LRRK1: variants seen among roughly 807,000 people sequenced by gnomAD.
LRRK1 encodes the protein leucine rich repeat kinase 1.
In LRRK1, 113 loss-of-function variants were observed where a neutral mutation model predicts 209.1. The observed-to-expected ratio is 0.54, with a 90% CI of 0.46 to 0.63. LRRK1 has a LOEUF of 0.63. LRRK1 is among the 30% of genes least tolerant of loss of function. The pLI is 0.00. For synonymous variants in LRRK1, 1,144 were observed against 1,099.7 expected, an observed-to-expected ratio of 1.04 and a Z score of -0.80; for missense variants, 2,284 against 2,632.2, an observed-to-expected ratio of 0.87 and a Z score of 2.89.
chr15:100,962,824 T>TACATATATATATATATACATA (rs1555461505), intron 2 of LRRK1, among the ~76,000 whole-genome samples: 4 of 8,438 alleles, frequency 4.7e-4, no homozygotes, highest in Non-Finnish European at 8.5e-4. Context: ...TATATATATA[T>TACATATATATATATATACATA]TTTTTTTTTT....
At chr15:100,993,878 C>T (rs73486957) in intron 6 of LRRK1, among the ~76,000 whole-genome samples, 8,400 of 152,194 alleles carry the variant, frequency 0.055, 560 homozygotes, top group African/African-American at 0.16. Flanking sequence ...TACTGATATT[C>T]TACTTTCTGT....
intron 26 of LRRK1, 24 bp downstream of exon 26, chr15:101,053,444 CG>C (rs2035600571): frequency 1.3e-6 from 2 of 1,545,918 alleles, no homozygotes; most frequent in African/African-American, 2.7e-5. Flanking sequence ...CCGCCCCACC[CG>C]GCCCCGGAGA....
chr15:100,952,607 G>GCTAATCTTCTCACA (rs1455586641), intron 2 of LRRK1, among the ~76,000 whole-genome samples: 1 of 152,022 alleles, frequency 6.6e-6, no homozygotes, highest in African/African-American at 2.4e-5. Context: ...TTCTTTGTGG[G>GCTAATCTTCTCACA]GCCCTTCTCA....
At chr15:101,058,274 T>C in intron 29 of LRRK1, 133 bp downstream of exon 29, 1 of 825,162 alleles carries the variant, frequency 1.2e-6, no homozygotes, top group Non-Finnish European at 1.9e-6. Flanking sequence ...CTGGTTAGAC[T>C]GCACTCAAGA....
chr15:101,029,358 G>A (rs1273063017), intron 20 of LRRK1, 126 bp downstream of exon 20: 39 of 997,684 alleles, frequency 3.9e-5, no homozygotes, highest in East Asian at 2.9e-4. Context: ...TGCCCCCTAC[G>A]GACAGGCCAG....
intron 2 of LRRK1, among the ~76,000 whole-genome samples, chr15:100,954,258 C>T (rs564133339): frequency 5.3e-4 from 81 of 152,094 alleles, no homozygotes; most frequent in African/African-American, 1.7e-3. Flanking sequence ...TTAGACGTGC[C>T]GACAACCTTT....
At chr15:101,017,374 G>T (rs2033586742) in intron 12 of LRRK1, among the ~76,000 whole-genome samples, 1 of 152,182 alleles carries the variant, frequency 6.6e-6, no homozygotes, top group Non-Finnish European at 1.5e-5. Flanking sequence ...ACTGAAAAAG[G>T]AATATCAGTG....
rs2036975999 is a variant in LRRK1 at position 101,076,085 on chromosome 15, A to AGC, written c.*7238_*7239insCG. The AGC allele has an allele frequency of 6.6e-6, 1 of 152,198 alleles. No individual in the cohort carries two copies. 9.4% of individuals were successfully genotyped at this position (152,198 alleles called of 1,614,324 possible). A position where few individuals can be genotyped will look rare whatever the true frequency, so the allele number is the denominator to read the frequency against. ...ACTCCTTTCCTTCCTAGGCATGGTT[A>AGC]GTGCAGTCAGAATTCTTACACAAGA... On this transcript the variant is annotated 3_prime_UTR_variant, in exon 34 of 34. Coordinates refer to ENST00000388948, the MANE Select transcript of LRRK1 (RefSeq NM_024652.6).
Position 101,024,707 on chromosome 15 carries a change from G to A in LRRK1, c.2068-96G>A, listed in dbSNP as rs1232859582. ...TCCACGGTTGTTTTTTCAGACCCCC[G>A]AGTCCAGCCTCCAGAGTTATCCGTT... is the stretch of plus-strand genomic sequence containing the variant. On this transcript the variant is annotated intron_variant, in intron 15 of 33. Coordinates refer to ENST00000388948, the MANE Select transcript of LRRK1 (RefSeq NM_024652.6). This position sits in a 1 kb window ranked among gnomAD's most constrained non-coding sequence, Gnocchi z 4.6. 6 of 1,325,870 alleles carry A rather than the reference G, an allele frequency of 4.5e-6. No individual in the cohort carries two copies. The highest frequency in any genetic ancestry group is 1.9e-4 in the Middle Eastern group (1 of 5,224). The allele number at this position is 1,325,870 out of a possible 1,614,324, so 82.1% of individuals were successfully genotyped here. A position where few individuals can be genotyped will look rare whatever the true frequency, so the allele number is the denominator to read the frequency against.
intron 6 of LRRK1, among the ~76,000 whole-genome samples, chr15:101,004,520 G>A (rs2032851389): frequency 6.6e-6 from 1 of 152,246 alleles, no homozygotes; most frequent in African/African-American, 2.4e-5. Flanking sequence ...GAGGCAGCCA[G>A]GCAGGGCTCT....
In LRRK1 at chr15:100,935,513, T is replaced by C. The variant is rs977675828; in HGVS notation, c.97+10784T>C. ...AGGTAAAGCCTTCACAGCAGGAGTG[T>C]AGATTTTGTTCCAAGGCTGATGGAC... On this transcript the variant is annotated intron_variant, in intron 2 of 33. Coordinates refer to ENST00000388948, the MANE Select transcript of LRRK1 (RefSeq NM_024652.6). Among the ~76,000 whole-genome samples, 10 of 152,080 alleles carry C rather than the reference T, an allele frequency of 6.6e-5. No homozygotes were observed. In the East Asian group the frequency reaches 1.9e-3, roughly 29 times the overall value.
In LRRK1 at chr15:101,069,043, A is replaced by G. The variant is rs2141169220; in HGVS notation, c.*195A>G. On this transcript the variant is annotated 3_prime_UTR_variant, in exon 34 of 34. Coordinates refer to ENST00000388948, the MANE Select transcript of LRRK1 (RefSeq NM_024652.6). ...AGGGTTCTCTGGTTCTCTGGAGCAG[A>G]GTTCTCTGAATACCCCATCCCCCAA... is the stretch of plus-strand genomic sequence containing the variant. 2.0e-6 allele frequency: 1 copy of G among 507,052 alleles called. No homozygotes were observed. The highest frequency in any genetic ancestry group is 3.4e-5 in the South Asian group (1 of 29,380). The allele number at this position is 507,052 out of a possible 1,614,324, so 31.4% of individuals were successfully genotyped here.
intron 2 of LRRK1, among the ~76,000 whole-genome samples, chr15:100,962,423 G>A (rs1247729153): frequency 1.3e-5 from 2 of 152,038 alleles, no homozygotes; most frequent in Non-Finnish European, 2.9e-5. Context: ...CCAGTTACTC[G>A]GGAGACTGAA....
At chr15:101,010,422 T>G in intron 7 of LRRK1, 28 bp from the exon 8 acceptor site, 6 of 1,594,240 alleles carry the variant, frequency 3.8e-6, no homozygotes, top group Non-Finnish European at 5.1e-6. Context: ...TTTATTCTGA[T>G]GCCTGCCTTC....
At chr15:100,938,272 G>C (rs988760495) in intron 2 of LRRK1, among the ~76,000 whole-genome samples, 8 of 141,810 alleles carry the variant, frequency 5.6e-5, no homozygotes, top group African/African-American at 2.5e-4. Context: ...TCACACATGG[G>C]CAATCTTTTT....
chr15:101,024,962 A>G lies in LRRK1; in HGVS notation c.2227A>G (p.Ile743Val). The G allele has an allele frequency of 6.2e-7, 1 of 1,613,288 alleles. No individual in the cohort carries two copies. The highest frequency in any genetic ancestry group is 8.5e-7 in the Non-Finnish European group (1 of 1,179,812). The change falls in exon 16 of 34, where the codon ATC (isoleucine) becomes GTC (valine). Residue 743 changes from isoleucine to valine, a missense_variant. Ile to Val is a conservative substitution (Grantham distance 29). This residue lies in a region of LRRK1 where 780 missense variants were observed against 985.2 expected (regional missense o/e 0.79). Coordinates refer to ENST00000388948, the MANE Select transcript of LRRK1 (RefSeq NM_024652.6). This position sits in a 1 kb window ranked among gnomAD's most constrained non-coding sequence, Gnocchi z 4.6. ...VANLQFWLLN[I>V]EAKAPNAVVL... is the part of the protein sequence containing the mutation. Reference sequence around the variant, plus strand: ...CAACCTCCAGTTCTGGCTGCTCAACATCGAGGTGAGGACACCAGACGCCAG... The same window carrying G: ...CAACCTCCAGTTCTGGCTGCTCAACGTCGAGGTGAGGACACCAGACGCCAG...
rs1362507493 is a variant in LRRK1 at position 101,065,900 on chromosome 15, T to C, written c.5463T>C (p.Ser1821=). The stretch of plus-strand genomic sequence containing the variant: ...TCGCGGACGTGAGCATCATGTACAG[T>C]GAGGAGCTGGGCACGCAGATCCTGA... ...DSIADVSIMY[S]EELGTQILIH... Residue 1821 remains serine, a synonymous_variant, in exon 32 of 34, where the codon AGT becomes AGC. Transcript: ENST00000388948. The C allele has an allele frequency of 6.2e-7, 1 of 1,614,146 alleles. No homozygotes were observed. The highest frequency in any genetic ancestry group is 1.7e-5 in the Admixed American group (1 of 60,028).
intron 1 of LRRK1, among the ~76,000 whole-genome samples, chr15:100,921,880 G>A (rs1483320035): frequency 6.6e-6 from 1 of 152,028 alleles, no homozygotes; most frequent in African/African-American, 2.4e-5. Context: ...AGCATGCCCA[G>A]CTAATTTTTG....
chr15:100,968,826 C>T (rs1481325934), intron 2 of LRRK1, among the ~76,000 whole-genome samples: 2 of 147,582 alleles, frequency 1.4e-5, no homozygotes, highest in East Asian at 2.0e-4. Flanking sequence ...CCTTCCTTTC[C>T]CTTCCCTTCC....
Sources: gnomAD v4.1 joint callset for allele counts (sites outside exome capture counted in the v4.1 genomes callset) on GRCh38, gnomAD v4.1.1 for gene constraint, gnomAD v4.1.1 regional missense constraint, Gnocchi (gnomAD v3.1) non-coding constraint, MANE v1.5 for transcripts, NCBI Gene and HGNC (gene_info 2026-07-23, HGNC 2026-07-21) for gene names.